Variants in RELCH observed in about 807,000 individuals in gnomAD.
RELCH encodes the protein RAB11-binding protein RELCH.
Under a neutral mutation model 150.3 loss-of-function variants are expected in RELCH, and 41 were observed. The ratio of observed to expected loss-of-function variants is 0.27; its 90% CI spans 0.21 to 0.35. The LOEUF is 0.35. Among genes scored for constraint, RELCH ranks in the 10% least tolerant of loss-of-function variants. The pLI, the probability that RELCH is intolerant of heterozygous loss-of-function variation, is 1.00. For synonymous variants in RELCH, 478 were observed against 531.8 expected, an observed-to-expected ratio of 0.90 and a Z score of 1.39; for missense variants, 1,092 against 1,467.8, an observed-to-expected ratio of 0.74 and a Z score of 4.18.
chr18:62,225,723 A>G (rs1207477963), intron 5 of RELCH, among the ~76,000 whole-genome samples: 1 of 151,998 alleles, frequency 6.6e-6, no homozygotes, highest in Non-Finnish European at 1.5e-5. Flanking sequence ...TCTAAGCTCA[A>G]GGTAGATACA....
chr18:62,273,469 T>A (rs2044021795), intron 20 of RELCH, among the ~76,000 whole-genome samples: 1 of 152,150 alleles, frequency 6.6e-6, no homozygotes, highest in Non-Finnish European at 1.5e-5. Context: ...GGGTAACTAT[T>A]CTAGTAGTTT....
At chr18:62,227,070 G>A (rs1033942281) in intron 5 of RELCH, among the ~76,000 whole-genome samples, 5 of 151,440 alleles carry the variant, frequency 3.3e-5, no homozygotes, top group African/African-American at 1.2e-4. Flanking sequence ...GCGGGTGCTT[G>A]TAGTTCCAGC....
At chr18:62,253,927 T>A (rs1165941222) in intron 12 of RELCH, among the ~76,000 whole-genome samples, 1 of 152,178 alleles carries the variant, frequency 6.6e-6, no homozygotes, top group Non-Finnish European at 1.5e-5. Flanking sequence ...CCATTTTCTT[T>A]TGTCTTTTTC....
rs1277025894 is a variant in RELCH at position 62,305,501 on chromosome 18, C to T, written c.3618C>T (p.Ala1206=). ...TGGGCCAGTTGACAACATCAGGTGCCATGTTGGCCAATGTATTTCAGAGAA... is the reference window on the plus strand; with the variant it reads ...TGGGCCAGTTGACAACATCAGGTGCTATGTTGGCCAATGTATTTCAGAGAA... ...NKMGQLTTSG[A]MLANVFQRKK is the part of the protein sequence containing the mutation. Residue 1206 remains alanine, a synonymous_variant, in exon 29 of 29, where the codon GCC becomes GCT. Transcript: ENST00000644646. This position sits in a 1 kb window ranked among gnomAD's most constrained non-coding sequence, Gnocchi z 4.0. 2 of 1,610,490 alleles carry T rather than the reference C, an allele frequency of 1.2e-6. No individual in the cohort carries two copies. The highest frequency in any genetic ancestry group is 8.5e-7 in the Non-Finnish European group (1 of 1,178,090).
At chr18:62,232,268 T>C (rs538446757) in intron 9 of RELCH, 64 bp from the exon 10 acceptor site, 2 of 1,079,006 alleles carry the variant, frequency 1.9e-6, no homozygotes, top group African/African-American at 3.1e-5. Flanking sequence ...AGAATGAACT[T>C]TTCCATATTA....
chr18:62,228,585 G>T lies in RELCH; in HGVS notation c.1435G>T (p.Asp479Tyr). 4 of 1,608,910 alleles carry T rather than the reference G, an allele frequency of 2.5e-6. No individual in the cohort carries two copies. Among genetic ancestry groups the T allele is most frequent in the Non-Finnish European group, 3.4e-6 (4 of 1,177,382 alleles). ...ATCAAGTAAAAAGACAGTTCATTTT[G>T]ATAAACCTAATAGGTTAGTATGCAT... ...SLSSKKTVHFDKPNRKLSPAF... is the reference protein window; with the variant it reads ...SLSSKKTVHFYKPNRKLSPAF... Residue 479 changes from aspartate (D) to tyrosine (Y), a missense_variant, in exon 8 of 29, where the codon GAT becomes TAT. Around this residue, in one of 4 missense-constraint regions of RELCH, gnomAD observed 707 missense variants for 1,025.4 expected, o/e 0.69. Transcript: ENST00000644646.
chr18:62,214,681 G>A (rs2040377784), intron 2 of RELCH, among the ~76,000 whole-genome samples: 1 of 152,148 alleles, frequency 6.6e-6, no homozygotes, highest in Non-Finnish European at 1.5e-5. Flanking sequence ...CACTCTGCAT[G>A]TCTACAGAGT....
At chr18:62,291,700 C>A in intron 27 of RELCH, 69 bp downstream of exon 27, 4 of 966,612 alleles carry the variant, frequency 4.1e-6, no homozygotes, top group South Asian at 1.5e-5. Context: ...GCAGTCTTCT[C>A]TATGTGAGGC....
chr18:62,264,066 C>T lies in RELCH; in HGVS notation c.2428C>T (p.Leu810=). Residue 810 remains leucine (L), a synonymous_variant, in exon 17 of 29, where the codon CTG becomes TTG. Coordinates refer to ENST00000644646, the MANE Select transcript of RELCH (RefSeq NM_001346231.2). ...CGGAAGTCGTGAGCAATTGGCAGTG[C>T]TGCTGCAACTTTATGACTACCAGCT... ...IIGSREQLAV[L]LQLYDYQLEQ... 1 of 1,606,576 alleles carries T rather than the reference C, an allele frequency of 6.2e-7. No individual in the cohort carries two copies. Among genetic ancestry groups the T allele is most frequent in the Non-Finnish European group, 8.5e-7 (1 of 1,177,034 alleles).
intron 5 of RELCH, among the ~76,000 whole-genome samples, chr18:62,226,805 AGT>A (rs992436539): frequency 9.9e-5 from 15 of 152,160 alleles, no homozygotes; most frequent in Non-Finnish European, 1.9e-4. Context: ...GATACTGGAA[AGT>A]GTAAAATAAA....
chr18:62,252,603 C>T (rs2042777219), intron 11 of RELCH, 61 bp from the exon 12 acceptor site: 4 of 1,205,948 alleles, frequency 3.3e-6, no homozygotes, highest in Non-Finnish European at 4.9e-6. Context: ...ACTTTTTTAA[C>T]CCTTAGTCCT....
chr18:62,227,016 C>T (rs2041254823), intron 5 of RELCH, among the ~76,000 whole-genome samples: 1 of 151,812 alleles, frequency 6.6e-6, no homozygotes, highest in African/African-American at 2.4e-5. Flanking sequence ...AGCAAGACCC[C>T]ATCTCTACAA....
chr18:62,263,092 G>A (rs934007113), intron 16 of RELCH, among the ~76,000 whole-genome samples: 15 of 151,978 alleles, frequency 9.9e-5, no homozygotes, highest in African/African-American at 2.9e-4. Flanking sequence ...TTGGATAAGC[G>A]ACTACTTCAG....
At chr18:62,275,529 G>A (rs562988046) in intron 22 of RELCH, 56 bp downstream of exon 22, 20 of 999,898 alleles carry the variant, frequency 2.0e-5, no homozygotes, top group Non-Finnish European at 2.7e-5. Context: ...TTTTTTTTGC[G>A]AAGAAGAAGG....
chr18:62,241,364 G>GTTT (rs1252404927), intron 10 of RELCH, among the ~76,000 whole-genome samples: 1 of 152,032 alleles, frequency 6.6e-6, no homozygotes, highest in African/African-American at 2.4e-5. Context: ...GATCACGCCT[G>GTTT]TAAATAGCCA....
chr18:62,255,411 A>C lies in RELCH; in HGVS notation c.1829A>C (p.Asn610Thr), dbSNP rs1054388160. The C allele has an allele frequency of 4.4e-6, 7 of 1,608,298 alleles. No homozygotes were observed. The highest frequency in any genetic ancestry group is 6.0e-6 in the Non-Finnish European group (7 of 1,176,254). The change falls in exon 13 of 29, where the codon AAT becomes ACT. Residue 610 changes from asparagine (N) to threonine (T), a missense_variant. Asn to Thr is a moderately conservative substitution (Grantham distance 65). This residue lies in a region of RELCH where 707 missense variants were observed against 1,025.4 expected (regional missense o/e 0.69). Transcript: ENST00000644646. Reference protein sequence around the residue: ...ELLPQCWEQINHKYPERRLLV... With the variant: ...ELLPQCWEQITHKYPERRLLV... ...TATTTATTTTTTTTGCTCTAGATTAATCACAAATACCCAGAAAGACGACTG... is the reference window on the plus strand; with the variant it reads ...TATTTATTTTTTTTGCTCTAGATTACTCACAAATACCCAGAAAGACGACTG...
chr18:62,299,560 G>A (rs1047739638), intron 28 of RELCH, among the ~76,000 whole-genome samples: 1 of 152,154 alleles, frequency 6.6e-6, no homozygotes, highest in African/African-American at 2.4e-5. Context: ...TGTGCAACAC[G>A]CATATATCTT....
At chr18:62,269,980 T>G (rs957740498) in intron 20 of RELCH, among the ~76,000 whole-genome samples, 6 of 152,186 alleles carry the variant, frequency 3.9e-5, no homozygotes, top group Admixed American at 2.0e-4. Flanking sequence ...CAAAACATAA[T>G]GGTCTATTAT....
At chr18:62,207,375 T>C (rs1012987816) in intron 1 of RELCH, among the ~76,000 whole-genome samples, 3 of 152,364 alleles carry the variant, frequency 2.0e-5, no homozygotes, top group Middle Eastern at 3.4e-3. Flanking sequence ...TACAGATATA[T>C]ACCACATTTT....
Sources: gnomAD v4.1 joint callset for allele counts (sites outside exome capture counted in the v4.1 genomes callset) on GRCh38, gnomAD v4.1.1 for gene constraint, gnomAD v4.1.1 regional missense constraint, Gnocchi (gnomAD v3.1) non-coding constraint, MANE v1.5 for transcripts, NCBI Gene and HGNC (gene_info 2026-07-23, HGNC 2026-07-21) for gene names.